The following DPYD variants were observed in gnomAD, a reference collection of about 807,000 sequenced individuals.
The protein encoded by DPYD is dihydropyrimidine dehydrogenase.
Under a neutral mutation model 116.2 loss-of-function variants are expected in DPYD, and 109 were observed. The ratio of observed to expected loss-of-function variants is 0.94; its 90% CI spans 0.80 to 1.10. The LOEUF (loss-of-function observed/expected upper bound fraction) is 1.10. DPYD is among the 50% of genes least tolerant of loss of function. The probability of loss-of-function intolerance (pLI) is 0.00; values close to 1 mark genes in which losing one functional copy is unlikely to be tolerated. For missense variants in DPYD, 1,302 were observed against 1,254.5 expected (o/e 1.04, Z -0.57); for synonymous variants, 440 against 432.0 (o/e 1.02, Z -0.23).
intron 6 of DPYD, among the ~76,000 whole-genome samples, chr1:97,694,608 G>A (rs1382919363): frequency 6.6e-6 from 1 of 151,932 alleles, no homozygotes. Flanking sequence ...CCCAACACTG[G>A]TCCTCAGACA....
chr1:97,489,296 A>C (rs1678836488), intron 13 of DPYD, among the ~76,000 whole-genome samples: 1 of 152,214 alleles, frequency 6.6e-6, no homozygotes, highest in African/African-American at 2.4e-5. Context: ...CCTTGAAGTT[A>C]AGGCAAAAAG....
intron 1 of DPYD, among the ~76,000 whole-genome samples, chr1:97,910,350 TA>T (rs1673876019): frequency 1.3e-5 from 2 of 152,106 alleles, no homozygotes; most frequent in African/African-American, 2.4e-5. Flanking sequence ...TCCTGTGTTT[TA>T]AAGAAGACTA....
At chr1:97,119,029 A>G (rs941619298) in intron 20 of DPYD, among the ~76,000 whole-genome samples, 10 of 152,176 alleles carry the variant, frequency 6.6e-5, no homozygotes, top group Non-Finnish European at 1.5e-4. Context: ...TGGGGACAGA[A>G]GGTTCTTTCC....
At chr1:97,733,806 G>A (rs773256123) in intron 4 of DPYD, among the ~76,000 whole-genome samples, 5 of 151,928 alleles carry the variant, frequency 3.3e-5, no homozygotes, top group Non-Finnish European at 7.4e-5. Context: ...CCTTCCTGCT[G>A]AGTAACACAG....
chr1:97,572,400 G>C (rs1322986110), intron 11 of DPYD, among the ~76,000 whole-genome samples: 1 of 151,784 alleles, frequency 6.6e-6, no homozygotes, highest in African/African-American at 2.4e-5. Flanking sequence ...AATCTGTTCA[G>C]GTTTGTTTAG....
At chr1:97,225,496 T>C (rs72726641) in intron 19 of DPYD, among the ~76,000 whole-genome samples, 5,306 of 151,740 alleles carry the variant, frequency 0.035, 285 homozygotes, top group African/African-American at 0.12. Context: ...CTCTCATTCA[T>C]TTTTCTATGA....
chr1:97,285,620 T>C (rs1665622715), intron 18 of DPYD, among the ~76,000 whole-genome samples: 1 of 152,116 alleles, frequency 6.6e-6, no homozygotes, highest in Non-Finnish European at 1.5e-5. Context: ...AAATGGAATA[T>C]TTGTGAAAAT....
At chr1:97,750,793 G>T (rs929216640) in intron 3 of DPYD, among the ~76,000 whole-genome samples, 1 of 152,172 alleles carries the variant, frequency 6.6e-6, no homozygotes, top group Non-Finnish European at 1.5e-5. Context: ...GATTGAAAGT[G>T]TAGTATTTGT....
intron 12 of DPYD, among the ~76,000 whole-genome samples, chr1:97,531,724 A>G (rs59766005): frequency 0.016 from 2,511 of 152,214 alleles, 68 homozygotes; most frequent in African/African-American, 0.058. Flanking sequence ...GGTGAAATGG[A>G]TATTTTAACA....
intron 8 of DPYD, among the ~76,000 whole-genome samples, chr1:97,668,954 CTT>C (rs1659713340): frequency 6.6e-6 from 1 of 152,074 alleles, no homozygotes; most frequent in African/African-American, 2.4e-5. Context: ...TTAATATAAT[CTT>C]TGACTGATTA....
chr1:97,090,681 G>T (rs868069953), intron 21 of DPYD, among the ~76,000 whole-genome samples: 3 of 152,110 alleles, frequency 2.0e-5, no homozygotes, highest in African/African-American at 7.2e-5. Context: ...TTTAACATGT[G>T]TCTTTCTCCC....
intron 20 of DPYD, among the ~76,000 whole-genome samples, chr1:97,127,680 T>G (rs1403503497): frequency 6.6e-6 from 1 of 152,186 alleles, no homozygotes; most frequent in African/African-American, 2.4e-5. Flanking sequence ...AGTCCCCTAC[T>G]GGCATCTTTC....
chr1:97,370,125 T>C (rs778605569), intron 16 of DPYD, among the ~76,000 whole-genome samples: 5 of 152,198 alleles, frequency 3.3e-5, no homozygotes, highest in Non-Finnish European at 5.9e-5. Context: ...TATAATCCTT[T>C]GGGTATATAC....
intron 19 of DPYD, among the ~76,000 whole-genome samples, chr1:97,198,589 G>C (rs568116658): frequency 6.6e-6 from 1 of 152,044 alleles, no homozygotes; most frequent in Non-Finnish European, 1.5e-5. Context: ...AAGGTAAATC[G>C]TTCTTGTTAA....
intron 8 of DPYD, among the ~76,000 whole-genome samples, chr1:97,667,282 G>C (rs937998421): frequency 6.6e-6 from 1 of 151,856 alleles, no homozygotes; most frequent in African/African-American, 2.4e-5. Flanking sequence ...GCTGAATTTG[G>C]CCCTCTATCT....
intron 11 of DPYD, among the ~76,000 whole-genome samples, chr1:97,557,623 C>A (rs1413034091): frequency 3.3e-5 from 5 of 152,038 alleles, no homozygotes; most frequent in African/African-American, 9.7e-5. Flanking sequence ...GTCCCATTCC[C>A]TTCTTCAAAA....
In DPYD at chr1:97,684,104, C is replaced by G. The variant is rs189108955; in HGVS notation, c.763-4922G>C. Among the ~76,000 whole-genome samples the G allele has an allele frequency of 5.9e-5, 9 of 152,226 alleles. No homozygotes were observed. The East Asian group carries it at 1.7e-3, about 29-fold the overall frequency. On this transcript the variant is annotated intron_variant, in intron 7 of 22. Transcript: ENST00000370192. ...TTGTGGATATTTTTCTCTTGCTTGT[C>G]TAGTTCTTTTAGTTGTTATGGTAGG...
At chr1:97,752,550 C>T (rs1664992438) in intron 3 of DPYD, among the ~76,000 whole-genome samples, 1 of 152,152 alleles carries the variant, frequency 6.6e-6, no homozygotes, top group African/African-American at 2.4e-5. Flanking sequence ...GCCTCGGCTT[C>T]TATTGCATTT....
chr1:97,740,599 G>T, intron 3 of DPYD, 120 bp from the exon 4 acceptor site: 1 of 872,492 alleles, frequency 1.1e-6, no homozygotes. Context: ...TCATTTTTAG[G>T]TACAAAACAT....
Sources: gnomAD v4.1 joint callset for allele counts (sites outside exome capture counted in the v4.1 genomes callset) on GRCh38, gnomAD v4.1.1 for gene constraint, MANE v1.5 for transcripts, NCBI Gene and HGNC (gene_info 2026-07-23, HGNC 2026-07-21) for gene names.